MACROD1: variants seen among roughly 807,000 people sequenced by gnomAD.
MACROD1 encodes the protein ADP-ribose glycohydrolase MACROD1.
MACROD1 carries 31 observed loss-of-function variants against 41.4 expected under a neutral mutation model. The ratio of observed to expected loss-of-function variants is 0.75; its 90% CI spans 0.56 to 1.01. The LOEUF is 1.01. MACROD1 is among the 50% of genes least tolerant of loss of function. The probability of loss-of-function intolerance (pLI) is 0.00; values close to 1 mark genes in which losing one functional copy is unlikely to be tolerated. For missense variants in MACROD1, 473 were observed against 460.0 expected (o/e 1.03, Z -0.26); for synonymous variants, 252 against 203.4 (o/e 1.24, Z -2.03).
rs760263385 is a variant in MACROD1, at chr11:63,999,705, G to C, written c.723C>G (p.Ala241=). ...TGCTCAGGTAGCAGCTGCGGAGCTC[G>C]GCAGCCTGACTGGCGCTGGGCTCCC... ...AYGEPSASQA[A]ELRSCYLSSL... The change falls in exon 6 of 11, where the codon GCC becomes GCG. Residue 241 remains alanine, a synonymous_variant. Transcript: ENST00000255681. 6.2e-6 allele frequency: 10 copies of C among 1,608,682 alleles called. No homozygotes were observed. The highest frequency in any genetic ancestry group is 5.3e-5 in the African/African-American group (4 of 74,846).
chr11:64,067,172 C>T lies in MACROD1; in HGVS notation c.518-51891G>A, dbSNP rs1003155525. 6.6e-6 allele frequency among the ~76,000 whole-genome samples: 1 copy of T among 152,162 alleles called. No homozygotes were observed. Among genetic ancestry groups the T allele is most frequent in the Non-Finnish European group, 1.5e-5 (1 of 68,024 alleles). ...GTGGGGGTGGGAGGCCGGCCATACCCACCTGTAGGCACATGCGGCTCCAAG... is the reference window on the plus strand; with the variant it reads ...GTGGGGGTGGGAGGCCGGCCATACCTACCTGTAGGCACATGCGGCTCCAAG... On this transcript the variant is annotated intron_variant, in intron 3 of 10. Transcript: ENST00000255681. This position sits in a 1 kb window ranked among gnomAD's most constrained non-coding sequence, Gnocchi z 4.6.
intron 3 of MACROD1, 97 bp downstream of exon 3, chr11:64,151,142 A>C (rs1945569901): frequency 4.8e-6 from 5 of 1,043,470 alleles, no homozygotes; most frequent in African/African-American, 1.6e-5. Context: ...CCCGAGCCTC[A>C]CTGGAGCCAG....
chr11:64,149,496 T>A (rs2622414), intron 3 of MACROD1, among the ~76,000 whole-genome samples: 2 of 152,164 alleles, frequency 1.3e-5, no homozygotes, highest in African/African-American at 4.8e-5. Flanking sequence ...TAGGAAGCAG[T>A]GTTAATCACG....
At chr11:64,055,717 G>T (rs1478507807) in intron 3 of MACROD1, among the ~76,000 whole-genome samples, 5 of 152,186 alleles carry the variant, frequency 3.3e-5, no homozygotes, top group African/African-American at 1.2e-4. Context: ...ATGGATGGAT[G>T]ATGGGCCATG....
At chr11:64,025,757 C>A (rs1050978608) in intron 3 of MACROD1, among the ~76,000 whole-genome samples, 16 of 151,254 alleles carry the variant, frequency 1.1e-4, no homozygotes, top group Admixed American at 6.6e-5. Flanking sequence ...GCTCTGTTGC[C>A]CAGACTGGAG....
At chr11:64,091,505 G>C (rs1944489989) in intron 3 of MACROD1, among the ~76,000 whole-genome samples, 1 of 151,010 alleles carries the variant, frequency 6.6e-6, no homozygotes, top group African/African-American at 2.4e-5. Flanking sequence ...GGGTGGGGTT[G>C]GGGTTGGTGG....
At chr11:64,116,149 A>C in intron 3 of MACROD1, 1 of 1,434,670 alleles carries the variant, frequency 7.0e-7, no homozygotes, top group Non-Finnish European at 9.2e-7. Context: ...GTGGGAGGGA[A>C]TGCACGATTC....
chr11:64,130,317 C>A (rs1945247221), intron 3 of MACROD1, among the ~76,000 whole-genome samples: 1 of 152,214 alleles, frequency 6.6e-6, no homozygotes, highest in African/African-American at 2.4e-5. Context: ...GACTAAAAAG[C>A]TCCTGCTCAA....
At chr11:64,152,169 G>A (rs555994934) in intron 2 of MACROD1, 123 bp downstream of exon 2, 179 of 732,942 alleles carry the variant, frequency 2.4e-4, no homozygotes, top group Admixed American at 2.8e-4. Context: ...TGATACACGC[G>A]GAGCACCTGC....
intron 3 of MACROD1, among the ~76,000 whole-genome samples, chr11:64,047,872 G>T (rs1305695890): frequency 6.6e-6 from 1 of 150,758 alleles, no homozygotes; most frequent in Non-Finnish European, 1.5e-5. Flanking sequence ...ACTCCAGCCT[G>T]GGTGACAAGA....
chr11:64,004,735 G>C (rs1237430396), intron 4 of MACROD1, among the ~76,000 whole-genome samples: 1 of 152,128 alleles, frequency 6.6e-6, no homozygotes. Context: ...ACCTCTCTGA[G>C]TCTCAGAGCT....
intron 3 of MACROD1, among the ~76,000 whole-genome samples, chr11:64,063,641 T>C (rs987037363): frequency 6.6e-6 from 1 of 152,082 alleles, no homozygotes; most frequent in African/African-American, 2.4e-5. Flanking sequence ...GGAGTGGGGT[T>C]TGTGTGACGT....
At chr11:64,127,536 TC>T (rs1565250014) in intron 3 of MACROD1, among the ~76,000 whole-genome samples, 1 of 152,152 alleles carries the variant, frequency 6.6e-6, no homozygotes, top group Non-Finnish European at 1.5e-5. Context: ...TGGAGACTGT[TC>T]CCTCCGGCAC....
intron 3 of MACROD1, among the ~76,000 whole-genome samples, chr11:64,065,130 C>T (rs769141493): frequency 1.3e-5 from 2 of 152,310 alleles, no homozygotes; most frequent in African/African-American, 4.8e-5. Flanking sequence ...ACGGGCTACA[C>T]GTGGGCCTGG....
rs547119724 is a variant in MACROD1, at chr11:64,025,832, G to C, written c.518-10551C>G. On this transcript the variant is annotated intron_variant, in intron 3 of 10. Coordinates refer to ENST00000255681, the MANE Select transcript of MACROD1 (RefSeq NM_014067.4). ...CCTCCCGGGCTCAAGAGATCCTTCT[G>C]CCTCAGCCTCCCAAGTAGCTAGGAC... Among the ~76,000 whole-genome samples, 45 of 151,176 alleles carry C rather than the reference G, an allele frequency of 3.0e-4. 1 individual carries two copies. The highest frequency in any genetic ancestry group is 1.0e-3 in the African/African-American group (43 of 41,114).
chr11:64,070,413 T>C (rs1027578862), intron 3 of MACROD1, among the ~76,000 whole-genome samples: 1 of 152,036 alleles, frequency 6.6e-6, no homozygotes, highest in African/African-American at 2.4e-5. Flanking sequence ...CGGCCACGCC[T>C]CTCCAGGAGA....
Position 64,001,862 on chromosome 11 carries a change from G to A in MACROD1, c.548-1519C>T. The A allele has an allele frequency of 8.9e-6, 6 of 674,722 alleles. No homozygotes were observed. The South Asian group carries it at 9.1e-5, about 10-fold the overall frequency. 41.8% of individuals were successfully genotyped at this position (674,722 alleles called of 1,614,324 possible). ...GCTGGGCTGTGGAGCTGGGCAACGT[G>A]AGTTCACATCCTGGCTCTGCCAGCC... On this transcript the variant is annotated intron_variant, in intron 4 of 10. Coordinates refer to ENST00000255681, the MANE Select transcript of MACROD1 (RefSeq NM_014067.4).
At chr11:64,113,822 G>A (rs1339029333) in intron 3 of MACROD1, among the ~76,000 whole-genome samples, 3 of 148,354 alleles carry the variant, frequency 2.0e-5, no homozygotes, top group Admixed American at 6.9e-5. Flanking sequence ...ACAGGTGGAC[G>A]CATGGATGGA....
intron 4 of MACROD1, among the ~76,000 whole-genome samples, chr11:64,014,982 G>T (rs534379914): frequency 2.4e-4 from 36 of 152,328 alleles, no homozygotes; most frequent in African/African-American, 8.4e-4. Flanking sequence ...TCAGGGCTGG[G>T]TTTTTTCCAC....
Sources: gnomAD v4.1 joint callset for allele counts (sites outside exome capture counted in the v4.1 genomes callset) on GRCh38, gnomAD v4.1.1 for gene constraint, Gnocchi (gnomAD v3.1) non-coding constraint, MANE v1.5 for transcripts, NCBI Gene and HGNC (gene_info 2026-07-23, HGNC 2026-07-21) for gene names.